Variants in KLHL25 observed in about 807,000 individuals in gnomAD.
The protein encoded by KLHL25 is kelch like family member 25.
In KLHL25, 41 loss-of-function variants were observed where a neutral mutation model predicts 30.0. The ratio of observed to expected loss-of-function variants is 1.37; its 90% CI spans 1.07 to 1.78. KLHL25 has a LOEUF of 1.78. Ranked by LOEUF, KLHL25 falls within the 40% of genes most tolerant of loss-of-function variation. The pLI is 0.00. For synonymous variants in KLHL25, 399 were observed against 355.3 expected (o/e 1.12, Z -1.38); for missense variants, 971 against 824.5 (o/e 1.18, Z -2.18).
chr15:85,770,634 A>C, intron 1 of KLHL25: 1 of 502,160 alleles, frequency 2.0e-6, no homozygotes, highest in Non-Finnish European at 4.1e-6. Flanking sequence ...ACCAACGCAG[A>C]GGCCCAAGAT....
chr15:85,774,104 G>T (rs892892635), intron 1 of KLHL25, among the ~76,000 whole-genome samples: 2 of 152,156 alleles, frequency 1.3e-5, no homozygotes, highest in African/African-American at 4.8e-5. Flanking sequence ...TCCCAGCGGC[G>T]GGGGGTGGGG....
At chr15:85,771,053 A>T (rs575315418) in intron 1 of KLHL25, 1 of 193,292 alleles carries the variant, frequency 5.2e-6, no homozygotes, top group South Asian at 9.8e-5. Flanking sequence ...TGACCTGTGG[A>T]AGGAGACTGT....
chr15:85,792,026 G>A (rs2089820832), intron 1 of KLHL25, among the ~76,000 whole-genome samples: 1 of 152,190 alleles, frequency 6.6e-6, no homozygotes, highest in African/African-American at 2.4e-5. Context: ...AGCCCCAGAA[G>A]GACCTGGAGG....
chr15:85,774,788 T>G (rs1287119064), intron 1 of KLHL25, among the ~76,000 whole-genome samples: 2 of 151,790 alleles, frequency 1.3e-5, no homozygotes, highest in Non-Finnish European at 2.9e-5. Context: ...TCAAATTATC[T>G]CTGGAGCTCA....
rs555788393 is a variant in KLHL25 at position 85,768,203 on chromosome 15, G to A, written c.1608C>T (p.Ser536=). The change falls in exon 2 of 3, where the codon TCC becomes TCT. Residue 536 remains serine (S), a synonymous_variant. Transcript: ENST00000337975. The part of the protein sequence containing the change: ...AKRMSCHALA[S]GNKLYVVGGY... ...CCCCGACCACATAGAGCTTGTTGCCGGAAGCCAGGGCATGGCAGGACATGC... is the reference window on the plus strand; with the variant it reads ...CCCCGACCACATAGAGCTTGTTGCCAGAAGCCAGGGCATGGCAGGACATGC... The A allele has an allele frequency of 1.3e-4, 215 of 1,614,168 alleles. No individual in the cohort carries two copies. In the South Asian group the frequency reaches 2.0e-3, roughly 15 times the overall value.
intron 1 of KLHL25, among the ~76,000 whole-genome samples, chr15:85,771,937 G>A (rs537963715): frequency 5.9e-5 from 9 of 152,308 alleles, no homozygotes; most frequent in East Asian, 1.9e-4. Context: ...TGCGCTGACC[G>A]GGTCTGAGGG....
chr15:85,781,468 C>T (rs781048067), intron 1 of KLHL25, among the ~76,000 whole-genome samples: 6 of 152,164 alleles, frequency 3.9e-5, no homozygotes, highest in Middle Eastern at 3.4e-3. Flanking sequence ...GAGAACATTG[C>T]GGTAGCGGAT....
chr15:85,767,942 A>C, intron 2 of KLHL25, 75 bp downstream of exon 2: 3 of 958,860 alleles, frequency 3.1e-6, no homozygotes, highest in South Asian at 3.5e-5. Context: ...ACCTTCACCC[A>C]GTGGGAAGAG....
At chr15:85,767,675 T>G (rs1282446489) in intron 2 of KLHL25, among the ~76,000 whole-genome samples, 1 of 152,222 alleles carries the variant, frequency 6.6e-6, no homozygotes. Flanking sequence ...AGCAGGCTTG[T>G]GTGGAGACTG....
intron 1 of KLHL25, among the ~76,000 whole-genome samples, chr15:85,791,147 A>T (rs2089813683): frequency 6.7e-6 from 1 of 148,962 alleles, no homozygotes; most frequent in Non-Finnish European, 1.5e-5. Context: ...GTGAGCTGAG[A>T]TCACACCACT....
chr15:85,772,871 C>T (rs2089686365), intron 1 of KLHL25, among the ~76,000 whole-genome samples: 1 of 152,364 alleles, frequency 6.6e-6, no homozygotes, highest in African/African-American at 2.4e-5. Flanking sequence ...CATGTACACG[C>T]CCAGGCAGGT....
At chr15:85,766,955 C>T (rs1473113150) in intron 2 of KLHL25, among the ~76,000 whole-genome samples, 1 of 152,090 alleles carries the variant, frequency 6.6e-6, no homozygotes, top group African/African-American at 2.4e-5. Context: ...TTGGAGGACT[C>T]CACCATTTAG....
chr15:85,765,396 C>T (rs1013895496), intron 2 of KLHL25, among the ~76,000 whole-genome samples: 1 of 151,804 alleles, frequency 6.6e-6, no homozygotes, highest in Non-Finnish European at 1.5e-5. Flanking sequence ...AAGGCCGAGG[C>T]GGGTGGATCA....
chr15:85,785,564 CT>C (rs66853549), intron 1 of KLHL25, among the ~76,000 whole-genome samples: 31,635 of 147,092 alleles, frequency 0.22, 3,505 homozygotes, highest in African/African-American at 0.25. Flanking sequence ...CAGCAAAGTC[CT>C]TTTTTTTTTT....
chr15:85,767,905 A>G (rs1184150859), intron 2 of KLHL25, 112 bp downstream of exon 2: 2 of 713,336 alleles, frequency 2.8e-6, no homozygotes, highest in Non-Finnish European at 2.3e-6. Context: ...CCTGCTGCCC[A>G]CCCAGACTTC....
At chr15:85,779,958 T>C (rs890308919) in intron 1 of KLHL25, among the ~76,000 whole-genome samples, 1 of 152,236 alleles carries the variant, frequency 6.6e-6, no homozygotes, top group African/African-American at 2.4e-5. Context: ...AAAAATGTTT[T>C]TATGTCATAC....
At chr15:85,772,914 A>C (rs1327284486) in intron 1 of KLHL25, among the ~76,000 whole-genome samples, 3 of 152,188 alleles carry the variant, frequency 2.0e-5, no homozygotes, top group Non-Finnish European at 2.9e-5. Context: ...AGCCTGGGGC[A>C]CCTCTGTGCC....
chr15:85,785,711 C>T (rs1431104630), intron 1 of KLHL25, among the ~76,000 whole-genome samples: 1 of 152,182 alleles, frequency 6.6e-6, no homozygotes, highest in Non-Finnish European at 1.5e-5. Context: ...GTGGCCCCTG[C>T]CTCAGCCCGC....
rs1482575190 is a variant in KLHL25, at chr15:85,768,625, G to C, written c.1186C>G (p.His396Asp). 6.2e-7 allele frequency: 1 copy of C among 1,612,416 alleles called. No homozygotes were observed. The highest frequency in any genetic ancestry group is 1.7e-5 in the Admixed American group (1 of 59,992). The change falls in exon 2 of 3, where the codon CAC becomes GAC. Residue 396 changes from histidine to aspartate, a missense_variant. Transcript: ENST00000337975. ...LENCLYVVGG[H>D]TSLAGVFPAS... ...GGGAAGACCCCTGCCAGGGATGTGTGTCCCCCCACCACATAGAGGCAGTTC... is the reference window on the plus strand; with the variant it reads ...GGGAAGACCCCTGCCAGGGATGTGTCTCCCCCCACCACATAGAGGCAGTTC...
Sources: allele counts gnomAD v4.1 joint callset (sites outside exome capture counted in the v4.1 genomes callset), GRCh38; gene constraint gnomAD v4.1.1; transcripts MANE v1.5; gene names NCBI Gene and HGNC (gene_info 2026-07-23, HGNC 2026-07-21).